The following CAMTA1 variants were observed in gnomAD, a reference collection of about 807,000 sequenced individuals.
The protein encoded by CAMTA1 is calmodulin-binding transcription activator 1.
Under a neutral mutation model 170.9 loss-of-function variants are expected in CAMTA1, and 27 were observed. The ratio of observed to expected loss-of-function variants is 0.16; its 90% confidence interval spans 0.12 to 0.22. The LOEUF (loss-of-function observed/expected upper bound fraction) is 0.22. Among genes scored for constraint, CAMTA1 ranks in the 10% least tolerant of loss-of-function variants. CAMTA1 has a pLI of 1.00. For missense variants in CAMTA1, 1,619 were observed against 2,217.2 expected (o/e 0.73, Z 5.42); for synonymous variants, 833 against 891.5 (o/e 0.93, Z 1.17).
At chr1:7,232,283 C>T (rs1027822543) in intron 4 of CAMTA1, among the ~76,000 whole-genome samples, 1 of 3,894 alleles carries the variant, frequency 2.6e-4, no homozygotes, top group African/African-American at 1.5e-3. Context: ...GGCTGTGCTG[C>T]ACACGGCTGC....
intron 5 of CAMTA1, among the ~76,000 whole-genome samples, chr1:7,351,258 C>T (rs2084648630): frequency 6.6e-6 from 1 of 152,248 alleles, no homozygotes; most frequent in Admixed American, 6.5e-5. Context: ...CCGGGGACTG[C>T]GCAGAGCTAG....
In CAMTA1 at chr1:7,135,572, C is replaced by T. The variant is rs147628505; in HGVS notation, c.302+44201C>T. Among the ~76,000 whole-genome samples the T allele has an allele frequency of 1.5e-3, 231 of 152,166 alleles. 3 individuals are homozygous for T. The South Asian group carries it at 0.028, about 18-fold the overall frequency. On this transcript the variant is annotated intron_variant, in intron 4 of 22. Transcript: ENST00000303635. ...GGAGGCCATGTAGGCATCTTCCTCC[C>T]ACCTCTTTTTCACTCCCAGGCCATT...
intron 3 of CAMTA1, among the ~76,000 whole-genome samples, chr1:6,919,382 A>C (rs1310167994): frequency 6.6e-6 from 1 of 152,206 alleles, no homozygotes; most frequent in African/African-American, 2.4e-5. Flanking sequence ...GGCTGTGTTA[A>C]GGGTGTGCGA....
intron 6 of CAMTA1, among the ~76,000 whole-genome samples, chr1:7,553,389 G>A (rs1340022876): frequency 6.6e-6 from 1 of 152,238 alleles, no homozygotes; most frequent in East Asian, 1.9e-4. Context: ...AGAAAGTGTA[G>A]TCATCCATTC....
chr1:7,449,956 G>A (rs985242146), intron 5 of CAMTA1, among the ~76,000 whole-genome samples: 1 of 152,106 alleles, frequency 6.6e-6, no homozygotes, highest in Non-Finnish European at 1.5e-5. Context: ...AGGTGGCTTG[G>A]GGGTAGGAGG....
chr1:6,959,476 G>C (rs184451631), intron 3 of CAMTA1, among the ~76,000 whole-genome samples: 2 of 148,978 alleles, frequency 1.3e-5, no homozygotes, highest in African/African-American at 4.9e-5. Context: ...AGTGTTTCCC[G>C]GGTGCCTACC....
intron 11 of CAMTA1, among the ~76,000 whole-genome samples, chr1:7,679,458 A>C (rs1314901125): frequency 6.6e-6 from 1 of 152,108 alleles, no homozygotes; most frequent in African/African-American, 2.4e-5. Flanking sequence ...GCTGCCATAG[A>C]AACCGGGGGG....
intron 6 of CAMTA1, among the ~76,000 whole-genome samples, chr1:7,494,151 CA>C (rs201225081): frequency 0.036 from 4,084 of 113,092 alleles, 157 homozygotes; most frequent in African/African-American, 0.1. Context: ...ATCTGCTGTT[CA>C]AAAAAAAAAA....
chr1:7,277,469 G>GTGTGTGTA (rs138050455), intron 5 of CAMTA1, among the ~76,000 whole-genome samples: 26,071 of 150,850 alleles, frequency 0.17, 2,502 homozygotes, highest in African/African-American at 0.24. Flanking sequence ...GTGTGTGTGT[G>GTGTGTGTA]TGTGTGTGTG....
rs1681395876 is a variant in CAMTA1, at chr1:6,918,887, T to C, written c.234+93677T>C. On this transcript the variant is annotated intron_variant, in intron 3 of 22. Coordinates refer to ENST00000303635, the MANE Select transcript of CAMTA1 (RefSeq NM_015215.4). This position sits in a 1 kb window ranked among gnomAD's most constrained non-coding sequence, Gnocchi z 4.0. The stretch of plus-strand genomic sequence containing the variant: ...GGCCCAGCAGAACTAGCCGCTCTCA[T>C]GGCCTCAAATTCAAGGGTGTGGCCG... Among the ~76,000 whole-genome samples, 1 of 152,172 alleles carries C rather than the reference T, an allele frequency of 6.6e-6. No homozygotes were observed. Among genetic ancestry groups the C allele is most frequent in the Non-Finnish European group, 1.5e-5 (1 of 68,034 alleles).
intron 5 of CAMTA1, among the ~76,000 whole-genome samples, chr1:7,399,377 T>C (rs2089705982): frequency 6.6e-6 from 1 of 152,208 alleles, no homozygotes; most frequent in African/African-American, 2.4e-5. Flanking sequence ...GGTGATGCCA[T>C]GCTTCTAATA....
At chr1:6,936,759 C>T (rs1338955417) in intron 3 of CAMTA1, among the ~76,000 whole-genome samples, 1 of 152,094 alleles carries the variant, frequency 6.6e-6, no homozygotes. Context: ...GAGGCCGAGG[C>T]AGGTGGATCA....
chr1:7,308,550 T>C (rs1274886034), intron 5 of CAMTA1, among the ~76,000 whole-genome samples: 1 of 152,166 alleles, frequency 6.6e-6, no homozygotes, highest in Non-Finnish European at 1.5e-5. Context: ...ATTATATTTT[T>C]ATTGTTTGAT....
At chr1:7,125,453 C>T (rs955678444) in intron 4 of CAMTA1, among the ~76,000 whole-genome samples, 2 of 152,058 alleles carry the variant, frequency 1.3e-5, no homozygotes, top group African/African-American at 4.8e-5. Context: ...CCAAACAGAC[C>T]GTGTGTTCAA....
chr1:7,506,807 A>T (rs1462220434), intron 6 of CAMTA1, among the ~76,000 whole-genome samples: 1 of 151,892 alleles, frequency 6.6e-6, no homozygotes, highest in Non-Finnish European at 1.5e-5. Context: ...ATTCACATTA[A>T]CATGCTCACA....
chr1:7,277,456 G>GGTGTGTGTGTGTGTGT (rs57970990), intron 5 of CAMTA1, among the ~76,000 whole-genome samples: 15 of 135,322 alleles, frequency 1.1e-4, no homozygotes, highest in African/African-American at 4.0e-4. Context: ...TCCAAGCAAT[G>GGTGTGTGTGTGTGTGT]GTGTGTGTGT....
chr1:7,713,206 C>T (rs1307702159), intron 11 of CAMTA1, among the ~76,000 whole-genome samples: 2 of 152,168 alleles, frequency 1.3e-5, no homozygotes, highest in Non-Finnish European at 2.9e-5. Context: ...CAAACCATTT[C>T]CCACACTGAT....
chr1:7,119,464 G>A (rs537963051), intron 4 of CAMTA1, among the ~76,000 whole-genome samples: 13 of 152,246 alleles, frequency 8.5e-5, no homozygotes, highest in African/African-American at 3.1e-4. Context: ...AACAGCGGGG[G>A]GCATCATTTT....
chr1:7,017,014 T>C (rs1427980647), intron 3 of CAMTA1, among the ~76,000 whole-genome samples: 1 of 152,202 alleles, frequency 6.6e-6, no homozygotes, highest in African/African-American at 2.4e-5. Context: ...TCCCTGGCCA[T>C]GTCCTGGGAC....
Sources: gnomAD v4.1 joint callset for allele counts (sites outside exome capture counted in the v4.1 genomes callset) on GRCh38, gnomAD v4.1.1 for gene constraint, Gnocchi (gnomAD v3.1) non-coding constraint, MANE v1.5 for transcripts, NCBI Gene and HGNC (gene_info 2026-07-23, HGNC 2026-07-21) for gene names.